The following SLC38A10 variants were observed in gnomAD, a reference collection of about 807,000 sequenced individuals.
SLC38A10 encodes Sodium-coupled neutral amino acid transporter 10.
Under a neutral mutation model 81.0 loss-of-function variants are expected in SLC38A10, and 53 were observed. The observed-to-expected ratio is 0.65, with a 90% CI of 0.53 to 0.82. The LOEUF (loss-of-function observed/expected upper bound fraction) is 0.82, where lower values mean the gene tolerates loss of function less well. Among genes scored for constraint, SLC38A10 ranks in the 40% least tolerant of loss-of-function variants. The pLI is 0.00. For synonymous variants in SLC38A10, 665 were observed against 655.3 expected, an observed-to-expected ratio of 1.01 and a Z score of -0.23; for missense variants, 1,471 against 1,545.0, an observed-to-expected ratio of 0.95 and a Z score of 0.80.
chr17:81,255,321 C>T (rs2062961992), intron 11 of SLC38A10, among the ~76,000 whole-genome samples: 1 of 152,268 alleles, frequency 6.6e-6, no homozygotes, highest in Admixed American at 6.5e-5. Context: ...GCCTTCTCCA[C>T]AACGGAGCCC....
In SLC38A10 at chr17:81,252,690, G is replaced by A. The variant is rs746521441; in HGVS notation, c.1457-7C>T. The A allele has an allele frequency of 1.9e-6, 3 of 1,590,142 alleles. No individual in the cohort carries two copies. The highest frequency in any genetic ancestry group is 2.6e-6 in the Non-Finnish European group (3 of 1,173,576). On this transcript the variant is annotated splice_polypyrimidine_tract_variant and splice_region_variant and intron_variant, in intron 12 of 15. Coordinates refer to ENST00000374759, the MANE Select transcript of SLC38A10 (RefSeq NM_001037984.3). Reference sequence around the variant, plus strand: ...CCCACAGGCACAGCAATCCCTGCAAGGGCACGGGGGACAGATGGGGTCAGG... The same window carrying A: ...CCCACAGGCACAGCAATCCCTGCAAAGGCACGGGGGACAGATGGGGTCAGG...
Position 81,246,216 on chromosome 17 carries a change from T to G in SLC38A10, c.2700A>C (p.Ala900=), listed in dbSNP as rs61740863. 7.4e-6 allele frequency: 12 copies of G among 1,612,612 alleles called. No individual in the cohort carries two copies. The African/African-American group carries it at 9.3e-5, about 13-fold the overall frequency. ...CCTTCAGAATGCTGGTGCCAGTGGC[T>G]GCCACCTCCTTCCCAGGTTTTTTCC... is the stretch of plus-strand genomic sequence containing the variant. The part of the protein sequence containing the change: ...QDRKKPGKEV[A]ATGTSILKEA... Residue 900 remains alanine, a synonymous_variant, in exon 16 of 16, where the codon GCA becomes GCC. Transcript: ENST00000374759.
intron 2 of SLC38A10, chr17:81,285,428 G>A (rs1299009103): frequency 6.6e-6 from 1 of 152,486 alleles, no homozygotes; most frequent in Admixed American, 6.5e-5. Context: ...GGAAGGGAGG[G>A]GACGAGAGCC....
chr17:81,284,844 G>C lies in SLC38A10; in HGVS notation c.263+6C>G. On this transcript the variant is annotated splice_donor_region_variant and intron_variant, in intron 3 of 15. Transcript: ENST00000374759. ...GGGGCAAGCGCAGCGGCAGGGCGGGGCTTACCTGGTCTCCACCAGCATCTT... is the reference window on the plus strand; with the variant it reads ...GGGGCAAGCGCAGCGGCAGGGCGGGCCTTACCTGGTCTCCACCAGCATCTT... The C allele has an allele frequency of 6.5e-7, 1 of 1,541,132 alleles. No homozygotes were observed. The highest frequency in any genetic ancestry group is 1.2e-5 in the South Asian group (1 of 82,918).
chr17:81,277,442 C>G lies in SLC38A10; in HGVS notation c.627-309G>C, dbSNP rs2063172102. On this transcript the variant is annotated intron_variant, in intron 6 of 15. Transcript: ENST00000374759. The surrounding 1 kb of genome is among the most constrained non-coding windows in gnomAD (Gnocchi z 4.5). The stretch of plus-strand genomic sequence containing the variant: ...GCTGAGAGTCAAAGCAGCCAGTTTA[C>G]AGGGCAAGCAGCCGGAGGAGGCTGC... 2.6e-5 allele frequency among the ~76,000 whole-genome samples: 4 copies of G among 152,206 alleles called. No individual in the cohort carries two copies. The highest frequency in any genetic ancestry group is 2.6e-4 in the Admixed American group (4 of 15,280).
At chr17:81,249,360 G>GGAGA (rs367747291) in intron 14 of SLC38A10, among the ~76,000 whole-genome samples, 2 of 622 alleles carry the variant, frequency 3.2e-3, no homozygotes, top group South Asian at 0.1. Flanking sequence ...GGAAGAGGAG[G>GGAGA]AGGAGGGAGG....
intron 11 of SLC38A10, among the ~76,000 whole-genome samples, chr17:81,258,309 G>A (rs962706006): frequency 3.9e-5 from 6 of 152,174 alleles, no homozygotes; most frequent in Non-Finnish European, 8.8e-5. Flanking sequence ...TCTATCACGG[G>A]GGAGCCGGGG....
At chr17:81,279,776 A>T (rs1333861382) in intron 6 of SLC38A10, 1 of 156,026 alleles carries the variant, frequency 6.4e-6, no homozygotes, top group African/African-American at 2.4e-5. Context: ...GTGGCGGAAG[A>T]ATGCGGCTTC....
rs74530385 is a variant in SLC38A10, at chr17:81,280,335, C to A, written c.626+274G>T. ...ATGGCTGGGTTGCTGCTGCATCCCC[C>A]ACAGCCAATGCTCTGCTTGTGGGGA... On this transcript the variant is annotated intron_variant, in intron 6 of 15. Transcript: ENST00000374759. Among the ~76,000 whole-genome samples the A allele has an allele frequency of 9.3e-3, 1,421 of 152,314 alleles. 30 individuals are homozygous for A. The highest frequency in any genetic ancestry group is 0.032 in the African/African-American group (1,341 of 41,544).
Position 81,260,249 on chromosome 17 carries a change from G to A in SLC38A10, c.1277C>T (p.Ala426Val), listed in dbSNP as rs140006785. The A allele has an allele frequency of 6.8e-4, 1,088 of 1,603,130 alleles. No homozygotes were observed. The highest frequency in any genetic ancestry group is 8.1e-4 in the Non-Finnish European group (955 of 1,175,912). ...EAEGLMKVEA[A>V]RLSAQDPVVA... ...CAGGGTGGGCATACCTGAGAGCCGC[G>A]CTGCCTCCACCTTCATCAAACCCTC... Residue 426 changes from alanine (A) to valine (V), a missense_variant, in exon 11 of 16, where the codon GCG becomes GTG. Ala to Val is a moderately conservative substitution (Grantham distance 64). Around this residue, in one of 2 missense-constraint regions of SLC38A10, gnomAD observed 720 missense variants for 827.7 expected, o/e 0.87. Coordinates refer to ENST00000374759, the MANE Select transcript of SLC38A10 (RefSeq NM_001037984.3).
In SLC38A10 at chr17:81,246,628, T is replaced by G. The variant is rs753561143; in HGVS notation, c.2288A>C (p.Glu763Ala). Residue 763 changes from glutamate (E) to alanine (A), a missense_variant, in exon 16 of 16, where the codon GAG becomes GCG. By Grantham distance (107) the Glu-to-Ala change is moderately radical (BLOSUM62 -1). Coordinates refer to ENST00000374759, the MANE Select transcript of SLC38A10 (RefSeq NM_001037984.3). ...CTCCCTGGCCTTGCCTTCAGGGGCC[T>G]CCTGGCCTCTGGGCACCGCTGCCCC... is the stretch of plus-strand genomic sequence containing the variant. The part of the protein sequence containing the change: ...EPGAAVPRGQ[E>A]APEGKARETV... The G allele has an allele frequency of 7.9e-6, 12 of 1,514,742 alleles. No homozygotes were observed. The East Asian group carries it at 2.8e-4, about 35-fold the overall frequency. 93.8% of individuals were successfully genotyped at this position (1,514,742 alleles called of 1,614,324 possible). A position where few individuals can be genotyped will look rare whatever the true frequency, so the allele number is the denominator to read the frequency against.
rs2063107929 is a variant in SLC38A10, at chr17:81,270,758, G to A, written c.1131+160C>T. ...AAGACCGTGCGTCCTGGTGAACCCA[G>A]GGTTCCCCAGGCTGACTGGACCAAG... On this transcript the variant is annotated intron_variant, in intron 10 of 15. Coordinates refer to ENST00000374759, the MANE Select transcript of SLC38A10 (RefSeq NM_001037984.3). The surrounding 1 kb of genome is among the most constrained non-coding windows in gnomAD (Gnocchi z 4.0). Among the ~76,000 whole-genome samples, 1 of 152,138 alleles carries A rather than the reference G, an allele frequency of 6.6e-6. No homozygotes were observed. Among genetic ancestry groups the A allele is most frequent in the Non-Finnish European group, 1.5e-5 (1 of 68,034 alleles).
Position 81,283,426 on chromosome 17 carries a change from G to C in SLC38A10, c.340C>G (p.Arg114Gly). 1 of 1,611,870 alleles carries C rather than the reference G, an allele frequency of 6.2e-7. No homozygotes were observed. The highest frequency in any genetic ancestry group is 8.5e-7 in the Non-Finnish European group (1 of 1,178,936). ...IGDLGSNFFA[R>G]LFGFQVGGTF... is the part of the protein sequence containing the mutation. ...ATCCTTACCTGAAACCCGAACAGCC[G>C]GGCAAAGAAGTTGGACCCCAAGTCG... is the stretch of plus-strand genomic sequence containing the variant. Residue 114 changes from arginine (R) to glycine (G), a missense_variant, in exon 4 of 16, where the codon CGG becomes GGG. This residue lies in a region of SLC38A10 where 720 missense variants were observed against 827.7 expected (regional missense o/e 0.87). Transcript: ENST00000374759. The surrounding 1 kb of genome is among the most constrained non-coding windows in gnomAD (Gnocchi z 4.7).
chr17:81,252,933 C>G, intron 12 of SLC38A10, 140 bp downstream of exon 12: 1 of 1,233,090 alleles, frequency 8.1e-7, no homozygotes. Flanking sequence ...ACAGAGAAAA[C>G]AAAAAGGACC....
At chr17:81,272,335 G>C (rs764968753) in intron 9 of SLC38A10, among the ~76,000 whole-genome samples, 181 bp downstream of exon 9, 5 of 152,092 alleles carry the variant, frequency 3.3e-5, no homozygotes, top group Non-Finnish European at 7.4e-5. Flanking sequence ...CCTGGCTCAA[G>C]TTGCCAGATT....
Position 81,277,346 on chromosome 17 carries a change from G to C in SLC38A10, c.627-213C>G, listed in dbSNP as rs1035705342. Among the ~76,000 whole-genome samples, 7 of 152,218 alleles carry C rather than the reference G, an allele frequency of 4.6e-5. No homozygotes were observed. The highest frequency in any genetic ancestry group is 1.7e-4 in the African/African-American group (7 of 41,458). ...CAGCCCCCACTCAGGACACCCCCCAGAGCGTGCACCATGCGAACATTCCCC... is the reference window on the plus strand; with the variant it reads ...CAGCCCCCACTCAGGACACCCCCCACAGCGTGCACCATGCGAACATTCCCC... On this transcript the variant is annotated intron_variant, in intron 6 of 15. Transcript: ENST00000374759. The surrounding 1 kb of genome is among the most constrained non-coding windows in gnomAD (Gnocchi z 4.5).
intron 8 of SLC38A10, among the ~76,000 whole-genome samples, chr17:81,275,373 G>A (rs1438399931): frequency 6.6e-6 from 1 of 152,068 alleles, no homozygotes; most frequent in Non-Finnish European, 1.5e-5. Context: ...ATCAAACTCA[G>A]CCTCTCTTAT....
intron 9 of SLC38A10, 47 bp from the exon 10 acceptor site, chr17:81,271,071 G>T: frequency 6.6e-7 from 1 of 1,510,280 alleles, no homozygotes; most frequent in Non-Finnish European, 9.1e-7. Context: ...AAGGGCTCTG[G>T]GAAGGAGGGG....
chr17:81,248,971 T>C (rs9900367), intron 14 of SLC38A10, among the ~76,000 whole-genome samples: 61,270 of 152,188 alleles, frequency 0.4, 15,664 homozygotes, highest in African/African-American at 0.73. Context: ...GAAGTGCAGG[T>C]GGCAGACCAG....
Sources: allele counts gnomAD v4.1 joint callset (sites outside exome capture counted in the v4.1 genomes callset), GRCh38; gene constraint gnomAD v4.1.1; regional missense constraint gnomAD v4.1.1; non-coding constraint Gnocchi (gnomAD v3.1); transcripts MANE v1.5; gene names NCBI Gene and HGNC (gene_info 2026-07-23, HGNC 2026-07-21).